The following CCDC69 variants were observed in gnomAD, a reference collection of about 807,000 sequenced individuals.
CCDC69 encodes coiled-coil domain-containing protein 69.
A neutral mutation model predicts 40.3 loss-of-function variants in CCDC69; 38 were observed. That is an observed-to-expected ratio of 0.94 (90% CI 0.73 to 1.24). CCDC69 has a LOEUF of 1.24. CCDC69 is among the 50% of genes most tolerant of loss of function. The pLI, the probability that CCDC69 is intolerant of heterozygous loss-of-function variation, is 0.00. For synonymous variants in CCDC69, 141 were observed against 138.9 expected (o/e 1.02, Z -0.11); for missense variants, 389 against 357.9 (o/e 1.09, Z -0.70).
At chr5:151,185,313 A>C in intron 7 of CCDC69, 109 bp downstream of exon 7, 1 of 1,276,216 alleles carries the variant, frequency 7.8e-7, no homozygotes, top group Non-Finnish European at 1.1e-6. Flanking sequence ...GCTGGAGTGA[A>C]CTAGGCTGGG....
chr5:151,197,053 A>G (rs148664352), intron 4 of CCDC69, among the ~76,000 whole-genome samples: 1 of 152,136 alleles, frequency 6.6e-6, no homozygotes, highest in Non-Finnish European at 1.5e-5. Context: ...GTGTAGATGC[A>G]TGCTGCAACA....
At chr5:151,184,730 G>A in intron 7 of CCDC69, 1 of 294,448 alleles carries the variant, frequency 3.4e-6, no homozygotes, top group Non-Finnish European at 6.5e-6. Context: ...AAGTCAGAAG[G>A]ATATGATCTA....
intron 4 of CCDC69, among the ~76,000 whole-genome samples, chr5:151,198,291 GATCT>G (rs56093424): frequency 0.28 from 39,954 of 141,464 alleles, 5,274 homozygotes; most frequent in Non-Finnish European, 0.29. Flanking sequence ...GAATGAGATT[GATCT>G]ATCTATCTAT....
chr5:151,205,231 G>A (rs1752836910), intron 2 of CCDC69, among the ~76,000 whole-genome samples, 169 bp downstream of exon 2: 2 of 152,146 alleles, frequency 1.3e-5, no homozygotes, highest in Admixed American at 1.3e-4. Context: ...GAATAGGGAA[G>A]CACAGGTCAG....
rs767346186 is a variant in CCDC69, at chr5:151,181,085, A to G, written c.*2352T>C. 4 of 152,128 alleles carry G rather than the reference A, an allele frequency of 2.6e-5. No homozygotes were observed. Among genetic ancestry groups the G allele is most frequent in the African/African-American group, 4.8e-5 (2 of 41,416 alleles). 9.4% of individuals were successfully genotyped at this position (152,128 alleles called of 1,614,324 possible). ...CGCATGTTCTTTTTAGTTTCCATAC[A>G]TCGTCTGTCCCAGAGTGAGGAGAAG... On this transcript the variant is annotated 3_prime_UTR_variant, in exon 9 of 9. Coordinates refer to ENST00000355417, the MANE Select transcript of CCDC69 (RefSeq NM_015621.3).
At chr5:151,192,087 G>GAAAAAAAAAAAAAAAAAAAAGAAAGAA (rs34310340) in intron 4 of CCDC69, among the ~76,000 whole-genome samples, 1 of 38,802 alleles carries the variant, frequency 2.6e-5, no homozygotes, top group Non-Finnish European at 4.2e-5. Flanking sequence ...CCTGTCTCAG[G>GAAAAAAAAAAAAAAAAAAAAGAAAGAA]AAAAAAAAAA....
chr5:151,185,226 C>T (rs1020736258), intron 7 of CCDC69, 196 bp downstream of exon 7: 1 of 551,784 alleles, frequency 1.8e-6, no homozygotes, highest in Non-Finnish European at 3.3e-6. Flanking sequence ...GCACAGGACT[C>T]AGATGATAAG....
At chr5:151,212,614 C>T (rs1394108795) in intron 1 of CCDC69, 1 of 365,438 alleles carries the variant, frequency 2.7e-6, no homozygotes, top group African/African-American at 2.1e-5. Flanking sequence ...AGAGGGTAAA[C>T]TGACACACTG....
rs370560345 is a variant in CCDC69 at position 151,223,881 on chromosome 5, C to T, written c.48+42G>A. 11 of 1,583,362 alleles carry T rather than the reference C, an allele frequency of 6.9e-6. No individual in the cohort carries two copies. In the African/African-American group the frequency reaches 1.5e-4, roughly 22 times the overall value. ...TCTGCGGCGGAGCGATTCCGCACTC[C>T]CCTCTCCTCTGAAAGCAAACTTCTC... On this transcript the variant is annotated intron_variant, in intron 1 of 8. Coordinates refer to ENST00000355417, the MANE Select transcript of CCDC69 (RefSeq NM_015621.3).
intron 3 of CCDC69, 25 bp from the exon 4 acceptor site, chr5:151,199,109 G>C (rs1205907037): frequency 4.4e-6 from 7 of 1,583,620 alleles, no homozygotes; most frequent in Non-Finnish European, 6.1e-6. Flanking sequence ...TCCCGGGCAG[G>C]ACTGAGATTG....
At chr5:151,219,518 T>G (rs1012361337) in intron 1 of CCDC69, among the ~76,000 whole-genome samples, 2 of 152,072 alleles carry the variant, frequency 1.3e-5, no homozygotes, top group Non-Finnish European at 2.9e-5. Flanking sequence ...CACAGGACAT[T>G]AGGTAGCCAT....
intron 5 of CCDC69, among the ~76,000 whole-genome samples, chr5:151,186,876 T>C (rs1238161926): frequency 1.3e-5 from 2 of 152,198 alleles, no homozygotes; most frequent in Non-Finnish European, 2.9e-5. Context: ...CCAGGCATCC[T>C]GGACATCTTT....
In CCDC69 at chr5:151,187,392, G is replaced by A. The variant is rs2113985272; in HGVS notation, c.387C>T (p.Thr129=). 6.2e-7 allele frequency: 1 copy of A among 1,613,940 alleles called. No individual in the cohort carries two copies. The highest frequency in any genetic ancestry group is 2.2e-5 in the East Asian group (1 of 44,888). ...LTHSFREASS[T]QQETIDRLTS... is the part of the protein sequence containing the mutation. ...ACGACCCAGCCCCTCTCACCTGCTG[G>A]GTAGAACTGGCCTCCCGGAAAGAGT... The change falls in exon 5 of 9, where the codon ACC becomes ACT. Residue 129 remains threonine (T), a synonymous_variant. Transcript: ENST00000355417.
intron 1 of CCDC69, among the ~76,000 whole-genome samples, chr5:151,214,807 C>T (rs886231258): frequency 5.3e-5 from 8 of 152,146 alleles, no homozygotes; most frequent in African/African-American, 1.7e-4. Context: ...GAGCAAAGGA[C>T]CACTTCCTTC....
In CCDC69 at chr5:151,183,597, A is replaced by G. The variant is rs878980868; in HGVS notation, c.731T>C (p.Leu244Pro). 4 of 1,610,808 alleles carry G rather than the reference A, an allele frequency of 2.5e-6. No homozygotes were observed. In the South Asian group the frequency reaches 3.3e-5, roughly 13 times the overall value. Residue 244 changes from leucine (L) to proline (P), a missense_variant, in exon 9 of 9, where the codon CTG becomes CCG. Leu to Pro is a moderately conservative substitution (Grantham distance 98, BLOSUM62 -3). Coordinates refer to ENST00000355417, the MANE Select transcript of CCDC69 (RefSeq NM_015621.3). ...CTCCAGGGCCTCACGCGTGAGAAGC[A>G]GGTCTTCTGACAGCTGCCTGTGGAT... ...VVLSRQLSED[L>P]LLTREALEKE...
chr5:151,221,553 T>C (rs1753135205), intron 1 of CCDC69, among the ~76,000 whole-genome samples: 1 of 152,208 alleles, frequency 6.6e-6, no homozygotes, highest in Non-Finnish European at 1.5e-5. Flanking sequence ...TATAAGGCAA[T>C]GAGCACCAGA....
intron 3 of CCDC69, 152 bp downstream of exon 3, chr5:151,201,430 T>C: frequency 3.7e-6 from 2 of 541,668 alleles, no homozygotes; most frequent in Non-Finnish European, 6.6e-6. Context: ...CTGATAAAAA[T>C]ATGTGTTCAA....
chr5:151,201,615 T>C lies in CCDC69; in HGVS notation c.198A>G (p.Gln66=), dbSNP rs948744503. 3.1e-6 allele frequency: 5 copies of C among 1,613,554 alleles called. No individual in the cohort carries two copies. Among genetic ancestry groups the C allele is most frequent in the Non-Finnish European group, 4.2e-6 (5 of 1,179,738 alleles). The stretch of plus-strand genomic sequence containing the variant: ...CCCATTTCTTCTTTTCCTCCTCATG[T>C]TGCTGGAGAATTCTGGTTATATCCT... The part of the protein sequence containing the change: ...HQKDITRILQ[Q]HEEEKKKWAQ... The change falls in exon 3 of 9, where the codon CAA becomes CAG. Residue 66 remains glutamine (Q), a synonymous_variant. Transcript: ENST00000355417.
chr5:151,213,412 A>ATT (rs34388055), intron 1 of CCDC69, among the ~76,000 whole-genome samples: 2,588 of 144,052 alleles, frequency 0.018, 40 homozygotes, highest in South Asian at 0.052. Flanking sequence ...ATGTCCGGCT[A>ATT]TTTTTTTTTT....
Sources: allele counts gnomAD v4.1 joint callset (sites outside exome capture counted in the v4.1 genomes callset), GRCh38; gene constraint gnomAD v4.1.1; transcripts MANE v1.5; gene names NCBI Gene and HGNC (gene_info 2026-07-23, HGNC 2026-07-21).